The following CCDC85C variants were observed in gnomAD, a reference collection of about 807,000 sequenced individuals.
CCDC85C encodes coiled-coil domain-containing protein 85C.
CCDC85C carries 18 observed loss-of-function variants against 38.3 expected under a neutral mutation model. That is an observed-to-expected ratio of 0.47 (90% CI 0.33 to 0.70). The LOEUF is 0.70. Among genes scored for constraint, CCDC85C ranks in the 30% least tolerant of loss-of-function variants. CCDC85C has a pLI of 0.03. For missense variants in CCDC85C, 566 were observed against 621.2 expected (o/e 0.91, Z 0.94); for synonymous variants, 264 against 293.8 (o/e 0.90, Z 1.04).
Position 99,533,735 on chromosome 14 carries a change from C to T in CCDC85C, c.867+2280G>A, listed in dbSNP as rs1298543304. On this transcript the variant is annotated intron_variant, in intron 2 of 5. Transcript: ENST00000380243. This position sits in a 1 kb window ranked among gnomAD's most constrained non-coding sequence, Gnocchi z 4.2. ...AAGAGGTCCCTGGGCAGAGCCAGCC[C>T]GTCCATCCTTGAGGCTCAAGGCTGA... is the stretch of plus-strand genomic sequence containing the variant. Among the ~76,000 whole-genome samples the T allele has an allele frequency of 1.3e-5, 2 of 152,194 alleles. No homozygotes were observed. The highest frequency in any genetic ancestry group is 2.9e-5 in the Non-Finnish European group (2 of 68,012).
At chr14:99,557,474 T>C (rs1898034390) in intron 1 of CCDC85C, among the ~76,000 whole-genome samples, 1 of 152,178 alleles carries the variant, frequency 6.6e-6, no homozygotes. Flanking sequence ...CATTTCCCCA[T>C]ATAGAAACAA....
intron 1 of CCDC85C, among the ~76,000 whole-genome samples, chr14:99,571,100 A>T (rs1211794999): frequency 6.6e-6 from 1 of 152,080 alleles, no homozygotes; most frequent in Non-Finnish European, 1.5e-5. Flanking sequence ...TCTTCAGCAG[A>T]CCACCCCACC....
chr14:99,587,924 G>A (rs1458004719), intron 1 of CCDC85C, among the ~76,000 whole-genome samples: 1 of 152,178 alleles, frequency 6.6e-6, no homozygotes, highest in African/African-American at 2.4e-5. Context: ...GAGCCACACT[G>A]CCCTCCTGGC....
chr14:99,503,670 T>C lies in CCDC85C; in HGVS notation c.*11576A>G. On this transcript the variant is annotated 3_prime_UTR_variant, in exon 6 of 6. Transcript: ENST00000380243. ...GTAATTTCCTGTTCTGATGTTTTTT[T>C]AGTTTTATGTGTTTATATGCAAAAC... 1.3e-6 allele frequency: 2 copies of C among 1,542,884 alleles called. No homozygotes were observed. Among genetic ancestry groups the C allele is most frequent in the Non-Finnish European group, 1.8e-6 (2 of 1,139,886 alleles).
At chr14:99,586,100 G>A (rs1467367568) in intron 1 of CCDC85C, among the ~76,000 whole-genome samples, 1 of 152,234 alleles carries the variant, frequency 6.6e-6, no homozygotes, top group Non-Finnish European at 1.5e-5. Flanking sequence ...CAAGGAGGGG[G>A]CACCTGGCCA....
intron 1 of CCDC85C, chr14:99,580,013 C>T (rs1274023033): frequency 2.2e-6 from 1 of 455,472 alleles, no homozygotes; most frequent in Non-Finnish European, 4.4e-6. Flanking sequence ...CCCACATACC[C>T]CACATACCCC....
intron 1 of CCDC85C, among the ~76,000 whole-genome samples, chr14:99,552,719 A>T (rs913477614): frequency 1.3e-5 from 2 of 152,356 alleles, no homozygotes; most frequent in East Asian, 3.9e-4. Context: ...CCAATGACCC[A>T]TAGGCCAGGC....
Position 99,516,355 on chromosome 14 carries a change from C to T in CCDC85C, c.1072-69G>A. On this transcript the variant is annotated intron_variant, in intron 4 of 5. Coordinates refer to ENST00000380243, the MANE Select transcript of CCDC85C (RefSeq NM_001144995.2). This position sits in a 1 kb window ranked among gnomAD's most constrained non-coding sequence, Gnocchi z 5.5. ...AGACCTCGGGCAAGTCACCTGGCCC[C>T]TGATCCTCAGCCTCCCCTGCTGCGA... The T allele has an allele frequency of 8.7e-7, 1 of 1,154,232 alleles. No homozygotes were observed. The highest frequency in any genetic ancestry group is 1.3e-6 in the Non-Finnish European group (1 of 789,398). 71.5% of individuals were successfully genotyped at this position (1,154,232 alleles called of 1,614,324 possible).
In CCDC85C at chr14:99,501,561, C is replaced by T. The variant is rs1595315460; in HGVS notation, c.*13685G>A. On this transcript the variant is annotated 3_prime_UTR_variant, in exon 6 of 6. Coordinates refer to ENST00000380243, the MANE Select transcript of CCDC85C (RefSeq NM_001144995.2). ...CAGTTAATGGCAAAGCTGGGGCTGA[C>T]GTCCAGGTCATCTGCTTCCCGGCAG... 4.9e-6 allele frequency: 3 copies of T among 607,720 alleles called. No homozygotes were observed. Among genetic ancestry groups the T allele is most frequent in the Middle Eastern group, 4.2e-4 (1 of 2,370 alleles). 37.6% of individuals were successfully genotyped at this position (607,720 alleles called of 1,614,324 possible). A position where few individuals can be genotyped will look rare whatever the true frequency, so the allele number is the denominator to read the frequency against.
intron 3 of CCDC85C, among the ~76,000 whole-genome samples, chr14:99,519,279 C>CTTTTTTTT (rs60431041): frequency 2.7e-4 from 33 of 122,842 alleles, no homozygotes; most frequent in African/African-American, 9.4e-4. Flanking sequence ...CCATGCCCAG[C>CTTTTTTTT]TTTTTTTTTT....
intron 2 of CCDC85C, among the ~76,000 whole-genome samples, chr14:99,527,923 C>A (rs11845792): frequency 0.47 from 71,057 of 152,014 alleles, 17,033 homozygotes; most frequent in Admixed American, 0.59. Context: ...GGGCAAGGTG[C>A]GTGAGAAGGG....
intron 1 of CCDC85C, among the ~76,000 whole-genome samples, chr14:99,552,078 C>T (rs371602734): frequency 2.8e-4 from 43 of 152,334 alleles, no homozygotes; most frequent in African/African-American, 9.9e-4. Flanking sequence ...AGGGTGGGCA[C>T]TAACCCGGAA....
In CCDC85C at chr14:99,576,633, C is replaced by T. The variant is rs557129561; in HGVS notation, c.793+26534G>A. On this transcript the variant is annotated intron_variant, in intron 1 of 5. Coordinates refer to ENST00000380243, the MANE Select transcript of CCDC85C (RefSeq NM_001144995.2). The surrounding 1 kb of genome is among the most constrained non-coding windows in gnomAD (Gnocchi z 4.8). The stretch of plus-strand genomic sequence containing the variant: ...GATGCAAATGGCTCCAGAGTTCCCC[C>T]ACACCTGCCCCAACCCCCAAGCCTT... 6.7e-4 allele frequency: 102 copies of T among 152,380 alleles called. No homozygotes were observed. Among genetic ancestry groups the T allele is most frequent in the African/African-American group, 2.4e-3 (100 of 41,564 alleles). The allele number at this position is 152,380 out of a possible 1,614,324, so 9.4% of individuals were successfully genotyped here. A position where few individuals can be genotyped will look rare whatever the true frequency, so the allele number is the denominator to read the frequency against.
chr14:99,571,166 A>C (rs1239240651), intron 1 of CCDC85C, among the ~76,000 whole-genome samples: 3 of 152,092 alleles, frequency 2.0e-5, no homozygotes, highest in Non-Finnish European at 4.4e-5. Context: ...CAGTGCAGTG[A>C]GGGGCCAGCC....
chr14:99,521,255 G>T (rs117208903), intron 3 of CCDC85C, among the ~76,000 whole-genome samples: 3,045 of 152,336 alleles, frequency 0.02, 46 homozygotes, highest in Non-Finnish European at 0.034. Flanking sequence ...TAAATGCTTG[G>T]AATATCGGCC....
At chr14:99,570,511 C>T (rs2400747) in intron 1 of CCDC85C, among the ~76,000 whole-genome samples, 80,084 of 152,034 alleles carry the variant, frequency 0.53, 21,172 homozygotes, top group South Asian at 0.59. Context: ...AGAGCCCAGA[C>T]GGCAGGGGCT....
chr14:99,555,822 T>A (rs1897999462), intron 1 of CCDC85C, among the ~76,000 whole-genome samples: 1 of 152,350 alleles, frequency 6.6e-6, no homozygotes, highest in Middle Eastern at 3.4e-3. Context: ...CAGAGATTTG[T>A]ATGCTCAGCT....
rs1013099475 is a variant in CCDC85C, at chr14:99,503,188, G to A, written c.*12058C>T. The stretch of plus-strand genomic sequence containing the variant: ...GGCTGCCTCTGAGAACCAGGAGGGG[G>A]CTCTCTGCCCGGCTCCAGCCCTGCT... On this transcript the variant is annotated 3_prime_UTR_variant, in exon 6 of 6. Transcript: ENST00000380243. 9 of 715,186 alleles carry A rather than the reference G, an allele frequency of 1.3e-5. No homozygotes were observed. Among genetic ancestry groups the A allele is most frequent in the Non-Finnish European group, 2.3e-5 (9 of 399,862 alleles). The allele number at this position is 715,186 out of a possible 1,614,324, so 44.3% of individuals were successfully genotyped here.
chr14:99,581,048 G>A (rs1188607410), intron 1 of CCDC85C, among the ~76,000 whole-genome samples: 1 of 152,194 alleles, frequency 6.6e-6, no homozygotes, highest in Non-Finnish European at 1.5e-5. Context: ...GAAAGACAGA[G>A]TGAGGGCTGG....
Sources: allele counts gnomAD v4.1 joint callset (sites outside exome capture counted in the v4.1 genomes callset), GRCh38; gene constraint gnomAD v4.1.1; non-coding constraint Gnocchi (gnomAD v3.1); transcripts MANE v1.5; gene names NCBI Gene and HGNC (gene_info 2026-07-23, HGNC 2026-07-21).